The following AP1S2 variants were observed in gnomAD, a reference collection of about 807,000 sequenced individuals.
AP1S2 encodes AP-1 complex subunit sigma-2.
In AP1S2, 1 loss-of-function variant was observed where a neutral mutation model predicts 14.3. That is an observed-to-expected ratio of 0.07 (90% CI 0.02 to 0.33). The LOEUF is 0.33. Ranked by LOEUF, AP1S2 falls within the 10% of genes least tolerant of loss-of-function variation. The pLI, the probability that AP1S2 is intolerant of heterozygous loss-of-function variation, is 0.99. For synonymous variants in AP1S2, 30 were observed against 40.5 expected (o/e 0.74, Z 0.99); for missense variants, 30 against 117.7 (o/e 0.25, Z 3.45).
At chrX:15,852,670 T>C in intron 1 of AP1S2, 146 bp from the exon 2 acceptor site, 1 of 657,218 alleles carries the variant, frequency 1.5e-6, no homozygotes, top group Non-Finnish European at 2.2e-6. Context: ...CCAATTAAAA[T>C]AGCAAGAAAT....
At chrX:15,849,093 A>G (rs1934088383) in intron 2 of AP1S2, among the ~76,000 whole-genome samples, 1 of 112,031 alleles carries the variant, frequency 8.9e-6, no homozygotes, top group Admixed American at 9.4e-5. Context: ...GAGCATTTAG[A>G]GATAAGGAAA....
chrX:15,836,288 C>T (rs1320591767), intron 4 of AP1S2, among the ~76,000 whole-genome samples: 1 of 111,746 alleles, frequency 8.9e-6, no homozygotes, highest in Non-Finnish European at 1.9e-5. Flanking sequence ...TTTAAGTGCT[C>T]CTCTTTGCCA....
chrX:15,846,594 C>T (rs1330746199), intron 2 of AP1S2, among the ~76,000 whole-genome samples: 1 of 111,993 alleles, frequency 8.9e-6, no homozygotes, highest in Non-Finnish European at 1.9e-5. Flanking sequence ...TACCCTCTCC[C>T]AGTCACAACC....
chrX:15,839,880 TTAAAA>T (rs1208464735), intron 4 of AP1S2, among the ~76,000 whole-genome samples: 3 of 111,877 alleles, frequency 2.7e-5, no homozygotes, highest in African/African-American at 9.7e-5. Context: ...AAAGTACTTA[TTAAAA>T]TAATTTTAAG....
rs769397153 is a variant in AP1S2 at position 15,854,722 on chromosome X, C to CCGG, written c.-38_-36dup. ...GGGCCGCGGGCGCGGCGGAGCTTGG[C>CCGG]CGGCGGCGGCGGCGGCGGCGAAGGG... On this transcript the variant is annotated 5_prime_UTR_variant, in exon 1 of 6. Transcript: ENST00000672987. The CCGG allele has an allele frequency of 2.5e-5, 20 of 793,668 alleles. No homozygotes were observed. The highest frequency in any genetic ancestry group is 9.0e-5 in the South Asian group (2 of 22,115). 65.4% of individuals were successfully genotyped at this position (793,668 alleles called of 1,213,427 possible).
chrX:15,840,134 G>A (rs1393230815), intron 4 of AP1S2, among the ~76,000 whole-genome samples: 2 of 111,876 alleles, frequency 1.8e-5, no homozygotes, highest in East Asian at 5.6e-4. Context: ...TCATAAAGTG[G>A]ATCATCTCAA....
chrX:15,826,170 C>G lies in AP1S2; in HGVS notation c.*1155G>C. ...CAATCACAACAAAGCTTAATCCAGCCCAGCATATATAAGTGAAAATATAAA... is the reference window on the plus strand; with the variant it reads ...CAATCACAACAAAGCTTAATCCAGCGCAGCATATATAAGTGAAAATATAAA... On this transcript the variant is annotated 3_prime_UTR_variant, in exon 6 of 6. Transcript: ENST00000672987. The G allele has an allele frequency of 8.9e-6, 1 of 111,807 alleles. No homozygotes were observed. Among genetic ancestry groups the G allele is most frequent in the African/African-American group, 3.2e-5 (1 of 30,782 alleles). 9.2% of individuals were successfully genotyped at this position (111,807 alleles called of 1,213,427 possible).
At chrX:15,840,594 A>G in intron 4 of AP1S2, 4 of 961,590 alleles carry the variant, frequency 4.2e-6, no homozygotes, top group Non-Finnish European at 5.4e-6. Context: ...TTCTGGCTCT[A>G]TAAAATTAAG....
At chrX:15,854,520 G>C (rs918688313) in intron 1 of AP1S2, among the ~76,000 whole-genome samples, 168 bp downstream of exon 1, 1 of 111,969 alleles carries the variant, frequency 8.9e-6, no homozygotes, top group Non-Finnish European at 1.9e-5. Context: ...GTGGTGCGGA[G>C]GGCGCGGACA....
At chrX:15,851,240 C>T (rs1473233148) in intron 2 of AP1S2, among the ~76,000 whole-genome samples, 1 of 112,437 alleles carries the variant, frequency 8.9e-6, no homozygotes, top group African/African-American at 3.2e-5. Flanking sequence ...TACAAAATCA[C>T]CCAAAGATAC....
rs1569080247 is a variant in AP1S2 at position 15,834,470 on chromosome X, AT to A, written c.427-6271del. Among the ~76,000 whole-genome samples, 123 of 31,953 alleles carry A rather than the reference AT, an allele frequency of 3.8e-3. 7 individuals are homozygous for A. Among genetic ancestry groups the A allele is most frequent in the Middle Eastern group, 0.027 (2 of 74 alleles). The allele number at this position is 31,953 out of a possible 115,157, so 27.7% of individuals were successfully genotyped here. On this transcript the variant is annotated intron_variant, in intron 4 of 5. Coordinates refer to ENST00000672987, the MANE Select transcript of AP1S2 (RefSeq NM_001272071.2). The stretch of plus-strand genomic sequence containing the variant: ...TATATATATATATATATATATATAT[AT>A]ATATATATAATTTTTTTTTTTTGAG...
intron 1 of AP1S2, among the ~76,000 whole-genome samples, chrX:15,854,274 C>G (rs181039537): frequency 1.8e-4 from 20 of 111,856 alleles, no homozygotes; most frequent in Non-Finnish European, 2.5e-4. Flanking sequence ...TGCCTCCCCC[C>G]CACTCCCGTG....
At chrX:15,848,692 T>C (rs1269295593) in intron 2 of AP1S2, among the ~76,000 whole-genome samples, 1 of 111,956 alleles carries the variant, frequency 8.9e-6, no homozygotes, top group Non-Finnish European at 1.9e-5. Context: ...AATAATAGAC[T>C]AGTAAGAAGA....
chrX:15,834,265 A>G (rs1353189851), intron 4 of AP1S2, among the ~76,000 whole-genome samples: 1 of 103,165 alleles, frequency 9.7e-6, no homozygotes, highest in African/African-American at 3.5e-5. Flanking sequence ...CCTTTAGATG[A>G]TGTCATTTCT....
Position 15,826,609 on chromosome X carries a change from CA to C in AP1S2, c.*715del, listed in dbSNP as rs1272093684. On this transcript the variant is annotated 3_prime_UTR_variant, in exon 6 of 6. Coordinates refer to ENST00000672987, the MANE Select transcript of AP1S2 (RefSeq NM_001272071.2). ...ACAACTAAGTATTTGATTATGACCA[CA>C]AAAAATTCATCTCAGGAGTCAAATG... 9.0e-6 allele frequency: 1 copy of C among 111,066 alleles called. No individual in the cohort carries two copies. The highest frequency in any genetic ancestry group is 9.6e-5 in the Admixed American group (1 of 10,463). 9.2% of individuals were successfully genotyped at this position (111,066 alleles called of 1,213,427 possible).
intron 4 of AP1S2, among the ~76,000 whole-genome samples, chrX:15,839,297 C>T (rs1933751468): frequency 1.8e-5 from 2 of 112,171 alleles, no homozygotes; most frequent in South Asian, 7.3e-4. Context: ...AAAGGAGTTA[C>T]ACGAGTTTGT....
chrX:15,833,202 TAAAAG>T (rs1469139049), intron 4 of AP1S2: 7 of 752,553 alleles, frequency 9.3e-6, no homozygotes, highest in Non-Finnish European at 1.1e-5. Flanking sequence ...TTACGCTCAT[TAAAAG>T]AGAAGAGGTG....
chrX:15,852,403 C>T lies in AP1S2; in HGVS notation c.122G>A (p.Arg41Gln). The part of the protein sequence containing the change: ...TRELVQTVLA[R>Q]KPKMCSFLEW... ...AAGGAAGCTGCACATTTTAGGTTTC[C>T]GTGCTAAAACGGTCTGAACAAGTTC... Residue 41 changes from arginine to glutamine, a missense_variant, in exon 2 of 6, where the codon CGG becomes CAG. Physicochemically the swap from Arg to Gln is conservative, Grantham distance 43. Transcript: ENST00000672987. 4 of 1,209,724 alleles carry T rather than the reference C, an allele frequency of 3.3e-6. No homozygotes were observed. The highest frequency in any genetic ancestry group is 4.5e-6 in the Non-Finnish European group (4 of 894,093).
At chrX:15,834,005 G>A (rs1425035749) in intron 4 of AP1S2, among the ~76,000 whole-genome samples, 1 of 111,547 alleles carries the variant, frequency 9.0e-6, no homozygotes, top group Non-Finnish European at 1.9e-5. Flanking sequence ...AATGAAAACA[G>A]TGAGAAAAAA....
Sources: allele counts gnomAD v4.1 joint callset (sites outside exome capture counted in the v4.1 genomes callset), GRCh38; gene constraint gnomAD v4.1.1; transcripts MANE v1.5; gene names NCBI Gene and HGNC (gene_info 2026-07-23, HGNC 2026-07-21).